Variants in PCYT1A observed in about 807,000 individuals in gnomAD.
PCYT1A encodes the protein phosphate cytidylyltransferase 1A, choline.
Under a neutral mutation model 43.7 loss-of-function variants are expected in PCYT1A, and 25 were observed. The observed-to-expected ratio is 0.57, with a 90% CI of 0.42 to 0.80. The LOEUF is 0.80. Ranked by LOEUF, PCYT1A falls within the 30% of genes least tolerant of loss-of-function variation. The pLI is 0.00. For missense variants in PCYT1A, 421 were observed against 474.2 expected (o/e 0.89, Z 1.04); for synonymous variants, 172 against 170.7 (o/e 1.01, Z -0.06).
At chr3:196,281,493 C>A (rs73212146) in intron 1 of PCYT1A, among the ~76,000 whole-genome samples, 8,008 of 152,266 alleles carry the variant, frequency 0.053, 290 homozygotes, top group Middle Eastern at 0.12. Context: ...TCGATCAGAA[C>A]ACAGCCATGT....
chr3:196,269,056 T>C (rs1445472137), intron 2 of PCYT1A, among the ~76,000 whole-genome samples: 1 of 152,200 alleles, frequency 6.6e-6, no homozygotes, highest in Admixed American at 6.5e-5. Context: ...GGCAAGAAGA[T>C]GGACTTTCCC....
chr3:196,274,319 C>G (rs1346187865), intron 1 of PCYT1A, among the ~76,000 whole-genome samples: 1 of 152,210 alleles, frequency 6.6e-6, no homozygotes, highest in Non-Finnish European at 1.5e-5. Context: ...CTCCCAGCTC[C>G]CAGTGGCTCC....
At chr3:196,269,311 T>C (rs1725366563) in intron 2 of PCYT1A, among the ~76,000 whole-genome samples, 1 of 152,174 alleles carries the variant, frequency 6.6e-6, no homozygotes, top group Non-Finnish European at 1.5e-5. Flanking sequence ...TTGGAATAAG[T>C]ATTAACTGTT....
intron 1 of PCYT1A, 60 bp from the exon 2 acceptor site, chr3:196,270,601 A>G: frequency 9.6e-7 from 1 of 1,037,352 alleles, no homozygotes. Context: ...GTTTGTCACC[A>G]GTATTTCAGA....
Position 196,257,881 on chromosome 3 carries a change from G to C in PCYT1A, c.124C>G (p.Arg42Gly). 6.2e-7 allele frequency: 1 copy of C among 1,608,466 alleles called. No individual in the cohort carries two copies. The highest frequency in any genetic ancestry group is 8.5e-7 in the Non-Finnish European group (1 of 1,175,460). ...TCATCAGAAAAAGGAGCTGGTTGCC[G>C]TAAGCCCTTAAGAAATGGAAAGTGA... ...SKVQRCAVGL[R>G]QPAPFSDEIE... The change falls in exon 3 of 9, where the codon CGG becomes GGG. Residue 42 changes from arginine (R) to glycine (G), a missense_variant. Around this residue, in one of 3 missense-constraint regions of PCYT1A, gnomAD observed 139 missense variants for 117.7 expected, o/e 1.18. Coordinates refer to ENST00000431016, the MANE Select transcript of PCYT1A (RefSeq NM_001312673.2).
chr3:196,238,789 G>C lies in PCYT1A; in HGVS notation c.1003C>G (p.Arg335Gly). The C allele has an allele frequency of 6.3e-7, 1 of 1,586,330 alleles. No individual in the cohort carries two copies. The highest frequency in any genetic ancestry group is 1.1e-5 in the South Asian group (1 of 87,348). ...TRERSPSPSF[R>G]WPFSGKTSPP... ...GAAGTCTTGCCGGAGAAGGGCCATC[G>C]GAAAGAGGGGGAGGGGGAGCGCTCG... The change falls in exon 9 of 9, where the codon CGA becomes GGA. Residue 335 changes from arginine to glycine, a missense_variant. This residue lies in a region of PCYT1A where 108 missense variants were observed against 85.7 expected (regional missense o/e 1.26). Coordinates refer to ENST00000431016, the MANE Select transcript of PCYT1A (RefSeq NM_001312673.2).
intron 2 of PCYT1A, among the ~76,000 whole-genome samples, chr3:196,259,332 G>A (rs1725039147): frequency 6.8e-6 from 1 of 147,606 alleles, no homozygotes; most frequent in African/African-American, 2.5e-5. Context: ...CTAGGAAATT[G>A]TCTATTACAT....
intron 5 of PCYT1A, among the ~76,000 whole-genome samples, chr3:196,243,857 G>C (rs7632985): frequency 0.12 from 18,280 of 151,784 alleles, 723 homozygotes; most frequent in South Asian, 0.24. Context: ...CCAGGCTGGA[G>C]TGCAGTGGCG....
chr3:196,238,687 A>G lies in PCYT1A; in HGVS notation c.*1T>C. 6.6e-7 allele frequency: 1 copy of G among 1,519,500 alleles called. No individual in the cohort carries two copies. Among genetic ancestry groups the G allele is most frequent in the African/African-American group, 1.4e-5 (1 of 70,638 alleles). 94.1% of individuals were successfully genotyped at this position (1,519,500 alleles called of 1,614,324 possible). A position where few individuals can be genotyped will look rare whatever the true frequency, so the allele number is the denominator to read the frequency against. On this transcript the variant is annotated 3_prime_UTR_variant, in exon 9 of 9. Transcript: ENST00000431016. ...GAGGACAGGAAAGGAGGGAGGAAAC[A>G]TTAGTCTTCTTCATCCTCACTGATA...
At chr3:196,239,830 C>A in intron 7 of PCYT1A, 95 bp from the exon 8 acceptor site, 1 of 788,954 alleles carries the variant, frequency 1.3e-6, no homozygotes, top group Non-Finnish European at 2.1e-6. Flanking sequence ...ACTCAATTGA[C>A]ACTGTTTTCA....
intron 2 of PCYT1A, among the ~76,000 whole-genome samples, chr3:196,258,726 TAC>T (rs542690157): frequency 1.1e-3 from 164 of 152,164 alleles, no homozygotes; most frequent in Non-Finnish European, 1.9e-3. Flanking sequence ...TAGCTGGGAC[TAC>T]AGGCATACAC....
In PCYT1A at chr3:196,247,139, G is replaced by GGCAGAAAA. The variant is rs1369239051; in HGVS notation, c.486+220_486+227dup. 1.8e-4 allele frequency among the ~76,000 whole-genome samples: 28 copies of GGCAGAAAA among 152,336 alleles called. No homozygotes were observed. The highest frequency in any genetic ancestry group is 8.5e-4 in the Admixed American group (13 of 15,310). On this transcript the variant is annotated intron_variant, in intron 5 of 8. Coordinates refer to ENST00000431016, the MANE Select transcript of PCYT1A (RefSeq NM_001312673.2). This position sits in a 1 kb window ranked among gnomAD's most constrained non-coding sequence, Gnocchi z 4.8. ...ACAAACACACCACAGGATTGCTGTG[G>GGCAGAAAA]GCAGAAAATGGAATAGAATGGATGT...
intron 3 of PCYT1A, among the ~76,000 whole-genome samples, chr3:196,253,172 A>T (rs2108769626): frequency 6.6e-6 from 1 of 152,076 alleles, no homozygotes; most frequent in Non-Finnish European, 1.5e-5. Context: ...CCCTGTGTCT[A>T]CTAAAAATAC....
At chr3:196,269,434 T>A (rs1220752107) in intron 2 of PCYT1A, among the ~76,000 whole-genome samples, 1 of 152,206 alleles carries the variant, frequency 6.6e-6, no homozygotes, top group East Asian at 1.9e-4. Context: ...ATTCTGTCAC[T>A]GGGATTTTGA....
Position 196,238,823 on chromosome 3 carries a change from G to A in PCYT1A, c.969C>T (p.Ser323=), listed in dbSNP as rs376992480. 2.6e-5 allele frequency: 41 copies of A among 1,569,614 alleles called. No homozygotes were observed. Among genetic ancestry groups the A allele is most frequent in the Non-Finnish European group, 2.8e-5 (33 of 1,158,730 alleles). The part of the protein sequence containing the change: ...AISPKQSPSS[S]PTRERSPSPS... ...GGGAGGGGGAGCGCTCGCGAGTAGGGCTGCTGCTGGGGCTCTGCTTCGGGC... is the reference window on the plus strand; with the variant it reads ...GGGAGGGGGAGCGCTCGCGAGTAGGACTGCTGCTGGGGCTCTGCTTCGGGC... The change falls in exon 9 of 9, where the codon AGC becomes AGT. Residue 323 remains serine, a synonymous_variant. Coordinates refer to ENST00000431016, the MANE Select transcript of PCYT1A (RefSeq NM_001312673.2).
chr3:196,244,297 C>A (rs1037491660), intron 5 of PCYT1A, among the ~76,000 whole-genome samples: 3 of 149,024 alleles, frequency 2.0e-5, no homozygotes, highest in Admixed American at 6.7e-5. Flanking sequence ...CCCCTCTGCC[C>A]GGCTGCCCAG....
At chr3:196,239,002 T>C (rs2108761004) in intron 8 of PCYT1A, 108 bp from the exon 9 acceptor site, 3 of 563,804 alleles carry the variant, frequency 5.3e-6, no homozygotes, top group South Asian at 1.1e-4. Flanking sequence ...ATTTAAGGGT[T>C]CTCCCCTGCT....
intron 2 of PCYT1A, among the ~76,000 whole-genome samples, chr3:196,261,975 A>G (rs934723081): frequency 5.3e-5 from 8 of 152,254 alleles, no homozygotes; most frequent in Admixed American, 3.9e-4. Flanking sequence ...AGCTATAACA[A>G]AGCAGCAAAA....
intron 2 of PCYT1A, among the ~76,000 whole-genome samples, chr3:196,260,538 A>G (rs1217024043): frequency 3.3e-5 from 5 of 152,174 alleles, no homozygotes; most frequent in Non-Finnish European, 5.9e-5. Context: ...AACTGAAAAC[A>G]TATATTAAGA....
Sources: allele counts gnomAD v4.1 joint callset (sites outside exome capture counted in the v4.1 genomes callset), GRCh38; gene constraint gnomAD v4.1.1; regional missense constraint gnomAD v4.1.1; non-coding constraint Gnocchi (gnomAD v3.1); transcripts MANE v1.5; gene names NCBI Gene and HGNC (gene_info 2026-07-23, HGNC 2026-07-21).